AK1: variants seen among roughly 807,000 people sequenced by gnomAD.
The protein encoded by AK1 is adenylate kinase 1.
In AK1, 13 loss-of-function variants were observed where a neutral mutation model predicts 23.9. That is an observed-to-expected ratio of 0.54 (90% confidence interval 0.35 to 0.86). The LOEUF (loss-of-function observed/expected upper bound fraction) is 0.86. Ranked by LOEUF, AK1 falls within the 40% of genes least tolerant of loss-of-function variation. The pLI is 0.01. For synonymous variants in AK1, 97 were observed against 102.8 expected, an observed-to-expected ratio of 0.94 and a Z score of 0.34; for missense variants, 214 against 255.1, an observed-to-expected ratio of 0.84 and a Z score of 1.10.
chr9:127,870,837 ATGGGGATGGG>A (rs1829386812), intron 5 of AK1, among the ~76,000 whole-genome samples: 1 of 70,198 alleles, frequency 1.4e-5, no homozygotes, highest in Middle Eastern at 5.7e-3. Flanking sequence ...GGAATGGGGC[ATGGGGATGGG>A]AGTCTTATCC....
chr9:127,873,637 GCTCCAAC>G (rs1318756685), intron 2 of AK1: 2 of 1,406,412 alleles, frequency 1.4e-6, no homozygotes, highest in Non-Finnish European at 1.8e-6. Context: ...GGTGAGCTTG[GCTCCAAC>G]CTCTGTCTCG....
intron 2 of AK1, chr9:127,873,957 T>C (rs1325256158): frequency 1.0e-6 from 1 of 985,280 alleles, no homozygotes; most frequent in Non-Finnish European, 1.2e-6. Context: ...ACAGGAGCTG[T>C]CAAGAAGGGC....
In AK1 at chr9:127,867,906, G is replaced by A; in HGVS notation, c.*102C>T. On this transcript the variant is annotated 3_prime_UTR_variant, in exon 7 of 7. Coordinates refer to ENST00000644144, the MANE Select transcript of AK1 (RefSeq NM_000476.3). ...AGGATAAGCGGCTTCCTCCGTCTGT[G>A]CTCAGCAGGGCAGGGTGGAGGCGCT... is the stretch of plus-strand genomic sequence containing the variant. The A allele has an allele frequency of 8.8e-7, 1 of 1,134,326 alleles. No individual in the cohort carries two copies. Among genetic ancestry groups the A allele is most frequent in the Non-Finnish European group, 1.3e-6 (1 of 744,968 alleles). The allele number at this position is 1,134,326 out of a possible 1,614,324, so 70.3% of individuals were successfully genotyped here.
chr9:127,877,856 C>T (rs1829578079), upstream of AK1: 1 of 152,304 alleles, frequency 6.6e-6, no homozygotes, highest in Admixed American at 6.5e-5. This position sits in a 1 kb window ranked among gnomAD's most constrained non-coding sequence, Gnocchi z 5.2. Context: ...CACCGTGTGC[C>T]CCGCACCGTG....
chr9:127,873,487 C>A, intron 2 of AK1: 1 of 1,464,866 alleles, frequency 6.8e-7, no homozygotes. Context: ...CCCTGCCCTT[C>A]CCCTCTCAGG....
At chr9:127,874,134 C>T (rs114313235) in intron 2 of AK1, 37,876 of 985,436 alleles carry the variant, frequency 0.038, 791 homozygotes, top group South Asian at 0.098. Context: ...ATGGTGCTGC[C>T]AGCAGCTGAG....
At chr9:127,870,505 C>T (rs923210021) in intron 5 of AK1, among the ~76,000 whole-genome samples, 3 of 151,728 alleles carry the variant, frequency 2.0e-5, no homozygotes, top group Non-Finnish European at 4.4e-5. Context: ...GGCCGACTTT[C>T]ATTAACTCTA....
At position 127,877,544 on chromosome 9, in the gene AK1, G is replaced by C. The variant is rs908253548; in HGVS notation, c.-33+79C>G. The C allele has an allele frequency of 7.2e-5, 11 of 152,334 alleles. No homozygotes were observed. The highest frequency in any genetic ancestry group is 2.7e-4 in the African/African-American group (11 of 41,266). The allele number at this position is 152,334 out of a possible 1,614,324, so 9.4% of individuals were successfully genotyped here. A position where few individuals can be genotyped will look rare whatever the true frequency, so the allele number is the denominator to read the frequency against. ...ACAGCCCCCAGGGAGCCCCGCACCA[G>C]CACGCCCCCGCCCTCCCCCGGTGCC... is the stretch of plus-strand genomic sequence containing the variant. On this transcript the variant is annotated intron_variant, in intron 1 of 6. Transcript: ENST00000644144. The surrounding 1 kb of genome is among the most constrained non-coding windows in gnomAD (Gnocchi z 5.2).
At chr9:127,873,839 G>A in intron 2 of AK1, 1 of 985,438 alleles carries the variant, frequency 1.0e-6, no homozygotes, top group Non-Finnish European at 1.2e-6. Flanking sequence ...CCACCTTGCT[G>A]TGTGACTTAG....
At chr9:127,874,248 A>G in intron 2 of AK1, 1 of 985,370 alleles carries the variant, frequency 1.0e-6, no homozygotes, top group Non-Finnish European at 1.2e-6. Flanking sequence ...CCCTCACTGG[A>G]TGATAGGGAA....
chr9:127,868,298 G>T lies in AK1; in HGVS notation c.516+23C>A. 1 of 1,558,500 alleles carries T rather than the reference G, an allele frequency of 6.4e-7. No individual in the cohort carries two copies. The highest frequency in any genetic ancestry group is 8.7e-7 in the Non-Finnish European group (1 of 1,151,272). ...ATAGGAACCCGTTCTTCCCGGAGCT[G>T]CCCCTGGGCCCGCGGGGCCCACCTT... On this transcript the variant is annotated intron_variant, in intron 6 of 6. Transcript: ENST00000644144. This position sits in a 1 kb window ranked among gnomAD's most constrained non-coding sequence, Gnocchi z 4.1.
intron 1 of AK1, among the ~76,000 whole-genome samples, chr9:127,875,861 T>C (rs1328247806): frequency 6.6e-6 from 1 of 152,166 alleles, no homozygotes; most frequent in Non-Finnish European, 1.5e-5. Context: ...CACTATGTCC[T>C]GTGCTAAGTA....
In AK1 at chr9:127,873,432, G is replaced by A. The variant is rs539108170; in HGVS notation, c.8-371C>T. ...ATCGTCTTCTCTGCGGGGGTCACTC[G>A]AGGAGCAGCAGCCCATGGTCCCGTC... On this transcript the variant is annotated intron_variant, in intron 2 of 6. Transcript: ENST00000644144. 1.9e-5 allele frequency: 30 copies of A among 1,557,112 alleles called. No homozygotes were observed. In the East Asian group the frequency reaches 4.4e-4, roughly 23 times the overall value.
intron 5 of AK1, among the ~76,000 whole-genome samples, chr9:127,870,829 A>ATGGGGCATGGGGATGGGGCATGGGG (rs1564472243): frequency 5.7e-5 from 3 of 52,532 alleles, no homozygotes; most frequent in African/African-American, 1.4e-4. Context: ...GGGGCATGGG[A>ATGGGGCATGGGGATGGGGCATGGGG]ATGGGGCATG....
chr9:127,878,701 G>A (rs769187002), upstream of AK1, among the ~76,000 whole-genome samples: 2 of 152,176 alleles, frequency 1.3e-5, no homozygotes, highest in Non-Finnish European at 2.9e-5. Context: ...TTCAGTGGTG[G>A]TGCCTCAGCA....
chr9:127,877,671 T>C lies in AK1; in HGVS notation c.-81A>G, dbSNP rs2131418985. On this transcript the variant is annotated 5_prime_UTR_variant, in exon 1 of 7. Transcript: ENST00000644144. The surrounding 1 kb of genome is among the most constrained non-coding windows in gnomAD (Gnocchi z 5.2). ...CCGGGGCCAGTGCGTGCCCTGCCCG[T>C]CCTCGCGGCGGCCGGCAAAGGCGAC... The C allele has an allele frequency of 6.6e-6, 1 of 152,258 alleles. No homozygotes were observed. Among genetic ancestry groups the C allele is most frequent in the South Asian group, 2.1e-4 (1 of 4,812 alleles). The allele number at this position is 152,258 out of a possible 1,614,324, so 9.4% of individuals were successfully genotyped here. A position where few individuals can be genotyped will look rare whatever the true frequency, so the allele number is the denominator to read the frequency against.
Position 127,868,206 on chromosome 9 carries a change from G to C in AK1, c.516+115C>G, listed in dbSNP as rs1338786008. 9.2e-5 allele frequency: 133 copies of C among 1,445,012 alleles called. No individual in the cohort carries two copies. Among genetic ancestry groups the C allele is most frequent in the Non-Finnish European group, 1.2e-4 (129 of 1,047,832 alleles). 89.5% of individuals were successfully genotyped at this position (1,445,012 alleles called of 1,614,324 possible). On this transcript the variant is annotated intron_variant, in intron 6 of 6. Coordinates refer to ENST00000644144, the MANE Select transcript of AK1 (RefSeq NM_000476.3). This position sits in a 1 kb window ranked among gnomAD's most constrained non-coding sequence, Gnocchi z 4.1. Reference sequence around the variant, plus strand: ...TTGACAGCAGCCCCTCATTGAACCAGTGGGGAAACCAAGGCCCAGAGAGAG... The same window carrying C: ...TTGACAGCAGCCCCTCATTGAACCACTGGGGAAACCAAGGCCCAGAGAGAG...
chr9:127,879,066 AACACACACACAC>A (rs35534101), upstream of AK1, among the ~76,000 whole-genome samples: 92 of 146,012 alleles, frequency 6.3e-4, 2 homozygotes, highest in South Asian at 0.016. Flanking sequence ...CTAAAAATAA[AACACACACACAC>A]ACACACACAC....
intron 4 of AK1, among the ~76,000 whole-genome samples, chr9:127,872,246 G>A (rs1436205633): frequency 6.6e-6 from 1 of 152,212 alleles, no homozygotes; most frequent in Non-Finnish European, 1.5e-5. Context: ...CTCAGGGGCT[G>A]GTGAGGGGAC....
Sources: gnomAD v4.1 joint callset for allele counts (sites outside exome capture counted in the v4.1 genomes callset) on GRCh38, gnomAD v4.1.1 for gene constraint, Gnocchi (gnomAD v3.1) non-coding constraint, MANE v1.5 for transcripts, NCBI Gene and HGNC (gene_info 2026-07-23, HGNC 2026-07-21) for gene names.